B3GALT1: variants seen among roughly 807,000 people sequenced by gnomAD.
B3GALT1 encodes the protein beta-1,3-galactosyltransferase 1.
In B3GALT1, 10 loss-of-function variants were observed where a neutral mutation model predicts 23.2. The observed-to-expected ratio is 0.43, with a 90% confidence interval of 0.27 to 0.73. The LOEUF is 0.73. Ranked by LOEUF, B3GALT1 falls within the 30% of genes least tolerant of loss-of-function variation. The probability of loss-of-function intolerance (pLI) is 0.21; values close to 1 mark genes in which losing one functional copy is unlikely to be tolerated. For missense variants in B3GALT1, 299 were observed against 405.4 expected (o/e 0.74, Z 2.25); for synonymous variants, 156 against 141.5 (o/e 1.10, Z -0.73).
intron 1 of B3GALT1, among the ~76,000 whole-genome samples, chr2:167,353,422 C>T (rs750628242): frequency 7.2e-5 from 11 of 151,918 alleles, no homozygotes; most frequent in Non-Finnish European, 1.2e-4. Flanking sequence ...AGAAGTTGAA[C>T]CTTAGTGGTA....
At chr2:167,651,280 G>A (rs566195233) in intron 3 of B3GALT1, among the ~76,000 whole-genome samples, 3,082 of 148,784 alleles carry the variant, frequency 0.021, 118 homozygotes, top group African/African-American at 0.073. Context: ...GTGCGCGCAC[G>A]TGCACACATG....
intron 1 of B3GALT1, among the ~76,000 whole-genome samples, chr2:167,348,275 A>G (rs950664364): frequency 6.6e-6 from 1 of 152,194 alleles, no homozygotes; most frequent in East Asian, 1.9e-4. Flanking sequence ...AACCAGTTGT[A>G]TCCAGATGTC....
At chr2:167,833,563 T>C (rs1689394645) in intron 4 of B3GALT1, among the ~76,000 whole-genome samples, 1 of 152,176 alleles carries the variant, frequency 6.6e-6, no homozygotes, top group East Asian at 1.9e-4. Context: ...AAAATGACAC[T>C]GGGCAATAAC....
chr2:167,830,359 G>A (rs1278175066), intron 4 of B3GALT1, among the ~76,000 whole-genome samples: 1 of 149,796 alleles, frequency 6.7e-6, no homozygotes, highest in African/African-American at 2.5e-5. Flanking sequence ...GGGCAGGGTA[G>A]GGATTCGTTC....
At chr2:167,619,032 T>A (rs1398926213) in intron 2 of B3GALT1, among the ~76,000 whole-genome samples, 1 of 151,978 alleles carries the variant, frequency 6.6e-6, no homozygotes, top group African/African-American at 2.4e-5. Flanking sequence ...ACCTAATACT[T>A]TTGCCTGAAA....
At chr2:167,328,762 G>GT (rs1242705500) in intron 1 of B3GALT1, among the ~76,000 whole-genome samples, 2 of 151,712 alleles carry the variant, frequency 1.3e-5, no homozygotes, top group African/African-American at 4.8e-5. Flanking sequence ...GTTTTTTCTT[G>GT]TTTTTCTAGT....
rs930348311 is a variant in B3GALT1, at chr2:167,635,629, A to G, written c.-409-11280A>G. On this transcript the variant is annotated intron_variant, in intron 2 of 4. Transcript: ENST00000392690. ...AAAGAATAAAGTACCTAAGAATACA[A>G]CTTAAAAAGGGATGTGAAGGACCTC... Among the ~76,000 whole-genome samples, 5 of 8,232 alleles carry G rather than the reference A, an allele frequency of 6.1e-4. No individual in the cohort carries two copies. The Non-Finnish European group carries it at 0.044, about 73-fold the overall frequency. The allele number at this position is 8,232 out of a possible 152,430, so 5.4% of individuals were successfully genotyped here.
intron 1 of B3GALT1, among the ~76,000 whole-genome samples, chr2:167,341,235 T>C (rs2105247926): frequency 6.6e-6 from 1 of 152,180 alleles, no homozygotes; most frequent in African/African-American, 2.4e-5. Context: ...ATCTTTTTGG[T>C]TGAGTACTTT....
chr2:167,869,818 T>A lies in B3GALT1; in HGVS notation c.779T>A (p.Leu260Gln). 6.2e-7 allele frequency: 1 copy of A among 1,614,132 alleles called. No individual in the cohort carries two copies. The highest frequency in any genetic ancestry group is 8.5e-7 in the Non-Finnish European group (1 of 1,180,000). The change falls in exon 5 of 5, where the codon CTG becomes CAG. Residue 260 changes from leucine to glutamine, a missense_variant. By Grantham distance (113) the Leu-to-Gln change is moderately radical (BLOSUM62 -2). Coordinates refer to ENST00000392690, the MANE Select transcript of B3GALT1 (RefSeq NM_020981.4). The surrounding 1 kb of genome is among the most constrained non-coding windows in gnomAD (Gnocchi z 6.4). ...TACAAGACCTCACTCCACACAAGGC[T>A]GCTTCACCTTGAAGACGTATATGTG... ...LIYKTSLHTR[L>Q]LHLEDVYVGL...
At chr2:167,343,906 A>G (rs1300062263) in intron 1 of B3GALT1, among the ~76,000 whole-genome samples, 1 of 152,182 alleles carries the variant, frequency 6.6e-6, no homozygotes, top group East Asian at 1.9e-4. Context: ...TGCTTGCTCA[A>G]GTCCTTTGCC....
At chr2:167,452,253 C>G (rs1699103543) in intron 1 of B3GALT1, among the ~76,000 whole-genome samples, 1 of 152,142 alleles carries the variant, frequency 6.6e-6, no homozygotes, top group South Asian at 2.1e-4. Context: ...CAAAGTTCAG[C>G]TGGAAGTTTC....
intron 4 of B3GALT1, among the ~76,000 whole-genome samples, chr2:167,848,927 T>C (rs1016600382): frequency 6.6e-6 from 1 of 151,384 alleles, no homozygotes; most frequent in Non-Finnish European, 1.5e-5. Context: ...AGCTCTTCCA[T>C]ACACCAACAG....
chr2:167,678,046 A>G (rs1435241117), intron 3 of B3GALT1, among the ~76,000 whole-genome samples: 2 of 152,192 alleles, frequency 1.3e-5, no homozygotes. Context: ...ATTACAATTC[A>G]ATATGAGATT....
chr2:167,666,176 C>T (rs1309277203), intron 3 of B3GALT1, among the ~76,000 whole-genome samples: 1 of 152,204 alleles, frequency 6.6e-6, no homozygotes, highest in Non-Finnish European at 1.5e-5. Flanking sequence ...TTTCAAAGAA[C>T]ATCTTTATGT....
chr2:167,388,316 G>T (rs1393809589), intron 1 of B3GALT1, among the ~76,000 whole-genome samples: 1 of 152,214 alleles, frequency 6.6e-6, no homozygotes, highest in Non-Finnish European at 1.5e-5. Context: ...TCTGAGGGAA[G>T]AATCTGGCCT....
Position 167,764,768 on chromosome 2 carries a change from G to A in B3GALT1, c.-351-53904G>A, listed in dbSNP as rs565303602. Among the ~76,000 whole-genome samples, 38 of 152,126 alleles carry A rather than the reference G, an allele frequency of 2.5e-4. No individual in the cohort carries two copies. The South Asian group carries it at 5.8e-3, about 23-fold the overall frequency. On this transcript the variant is annotated intron_variant, in intron 3 of 4. Transcript: ENST00000392690. The stretch of plus-strand genomic sequence containing the variant: ...AGGACTCCACAGATTGCTTTCCTTC[G>A]GCCACAGAACTATTAGAACGTAAGG...
intron 3 of B3GALT1, chr2:167,714,157 T>C: frequency 6.6e-7 from 1 of 1,522,076 alleles, no homozygotes; most frequent in Non-Finnish European, 9.1e-7. Context: ...TGAGTTCTGC[T>C]GGTCCAGACA....
At chr2:167,325,780 C>T (rs929777315) in intron 1 of B3GALT1, among the ~76,000 whole-genome samples, 8 of 144,150 alleles carry the variant, frequency 5.5e-5, no homozygotes, top group African/African-American at 1.8e-4. Flanking sequence ...TGCAGTGGTG[C>T]GATCTCAGCT....
intron 3 of B3GALT1, among the ~76,000 whole-genome samples, chr2:167,804,120 G>A (rs1346111136): frequency 6.6e-6 from 1 of 152,084 alleles, no homozygotes; most frequent in East Asian, 1.9e-4. Context: ...CTCCCAAGTA[G>A]CTGGGATTAC....
Sources: gnomAD v4.1 joint callset for allele counts (sites outside exome capture counted in the v4.1 genomes callset) on GRCh38, gnomAD v4.1.1 for gene constraint, Gnocchi (gnomAD v3.1) non-coding constraint, MANE v1.5 for transcripts, NCBI Gene and HGNC (gene_info 2026-07-23, HGNC 2026-07-21) for gene names.